TMT1B: variants seen among roughly 807,000 people sequenced by gnomAD.
TMT1B encodes thiol methyltransferase 1B, also known as thiol S-methyltransferase TMT1B.
At chr12:55,684,230 C>T in the TMT1B span, 40 of 602,200 alleles carry the variant, frequency 6.6e-5, no homozygotes, top group Middle Eastern at 4.5e-4. Flanking sequence ...AACTTCAATC[C>T]CGCCTTCGAC....
chr12:55,681,992 G>A, the TMT1B span: 38 of 1,614,256 alleles, frequency 2.4e-5, no homozygotes, highest in South Asian at 3.8e-4. Flanking sequence ...GCTGGGCTGC[G>A]GAACCGGAGC....
At chr12:55,682,736 A>G in the TMT1B span, among the ~76,000 whole-genome samples, 29 of 152,080 alleles carry the variant, frequency 1.9e-4, 1 homozygote, top group East Asian at 4.3e-3. Flanking sequence ...GTGAACTATG[A>G]TCGCACCACT....
At chr12:55,682,060 C>G in the TMT1B span, 1 of 1,614,256 alleles carries the variant, frequency 6.2e-7, no homozygotes, top group East Asian at 2.2e-5. Flanking sequence ...CAAATCCCCA[C>G]TTTGAGAAGT....
the TMT1B span, among the ~76,000 whole-genome samples, chr12:55,683,410 G>A: frequency 1.5e-3 from 222 of 152,174 alleles, no homozygotes; most frequent in African/African-American, 4.5e-3. Context: ...CAGGAGAATC[G>A]CTTGAACCTG....
the TMT1B span, among the ~76,000 whole-genome samples, chr12:55,682,775 C>A: frequency 6.9e-6 from 1 of 145,638 alleles, no homozygotes; most frequent in Non-Finnish European, 1.5e-5. Flanking sequence ...CAGAGTGAGA[C>A]CCTGTATCAA....
the TMT1B span, among the ~76,000 whole-genome samples, chr12:55,682,607 C>CAAAA: frequency 1.5e-4 from 16 of 104,152 alleles, no homozygotes; most frequent in Admixed American, 3.3e-4. Flanking sequence ...GCCGTCTCTA[C>CAAAA]AAAAAAAAAA....
At chr12:55,684,293 G>A in the TMT1B span, 2 of 483,712 alleles carry the variant, frequency 4.1e-6, no homozygotes, top group Non-Finnish European at 7.6e-6. Flanking sequence ...CTAGGACCCT[G>A]TTGTATCCTC....
At chr12:55,683,439 G>A in the TMT1B span, among the ~76,000 whole-genome samples, 2 of 152,062 alleles carry the variant, frequency 1.3e-5, no homozygotes, top group Non-Finnish European at 2.9e-5. Flanking sequence ...AGGTTGCAGT[G>A]CGCCGAGATC....
chr12:55,682,786 A>T, the TMT1B span, among the ~76,000 whole-genome samples: 77 of 120,130 alleles, frequency 6.4e-4, no homozygotes, highest in African/African-American at 2.7e-3. Flanking sequence ...CCTGTATCAA[A>T]AAAAATAAAT....
chr12:55,682,481 G>A, the TMT1B span, among the ~76,000 whole-genome samples: 1 of 152,018 alleles, frequency 6.6e-6, no homozygotes, highest in South Asian at 2.1e-4. Context: ...AGGGAGGGGA[G>A]TGGGGAGGAC....
chr12:55,683,753 C>G, the TMT1B span: 3 of 1,516,598 alleles, frequency 2.0e-6, no homozygotes, highest in Non-Finnish European at 2.7e-6. Context: ...TCTTGATCAG[C>G]GCGATAGGGA....
the TMT1B span, chr12:55,682,333 G>A: frequency 2.8e-6 from 4 of 1,417,038 alleles, 1 homozygote; most frequent in Non-Finnish European, 3.8e-6. Flanking sequence ...CCAGAATGGG[G>A]CGTCTGAGGT....
chr12:55,681,872 A>G, the TMT1B span: 1 of 1,604,850 alleles, frequency 6.2e-7, no homozygotes, highest in Non-Finnish European at 8.5e-7. Context: ...CCCCTACCTG[A>G]TGGCCGTGCT....
At chr12:55,684,360 C>T in the TMT1B span, 1 of 336,814 alleles carries the variant, frequency 3.0e-6, no homozygotes, top group Non-Finnish European at 5.7e-6. Context: ...TGTCCCTTTC[C>T]TTCGTTCCCA....
At chr12:55,681,846 T>G in the TMT1B span, 1 of 1,578,420 alleles carries the variant, frequency 6.3e-7, no homozygotes, top group Admixed American at 1.9e-5. Context: ...TGGCAGCCCC[T>G]GTGCAAAAGC....
the TMT1B span, chr12:55,683,661 A>G: frequency 1.4e-6 from 1 of 701,012 alleles, no homozygotes; most frequent in Non-Finnish European, 2.5e-6. Context: ...GTAGCAGGGG[A>G]TGCAGAAAAG....
the TMT1B span, chr12:55,682,261 GGT>G: frequency 1.2e-6 from 2 of 1,604,500 alleles, no homozygotes; most frequent in Non-Finnish European, 1.7e-6. Flanking sequence ...CGGTAAGCAG[GGT>G]GGGAAGGGGA....
chr12:55,684,154 T>C, the TMT1B span: 1 of 1,066,148 alleles, frequency 9.4e-7, no homozygotes, highest in Non-Finnish European at 1.4e-6. Flanking sequence ...CCTAGCAGAA[T>C]GAGAGAAGAC....
the TMT1B span, chr12:55,684,348 G>GCCCAA: frequency 2.8e-6 from 1 of 363,422 alleles, no homozygotes; most frequent in Non-Finnish European, 5.2e-6. Flanking sequence ...GCCTCCCAAT[G>GCCCAA]TTGTCCCTTT....
Sources: allele counts gnomAD v4.1 joint callset (sites outside exome capture counted in the v4.1 genomes callset), GRCh38; gene constraint gnomAD v4.1.1; transcripts MANE v1.5; gene names NCBI Gene and HGNC (gene_info 2026-07-23, HGNC 2026-07-21).